ENTPD1: variants seen among roughly 807,000 people sequenced by gnomAD.
ENTPD1 encodes ectonucleoside triphosphate diphosphohydrolase 1, also known as ATP diphosphohydrolase.
Under a neutral mutation model 57.0 loss-of-function variants are expected in ENTPD1, and 33 were observed. The ratio of observed to expected loss-of-function variants is 0.58; its 90% confidence interval spans 0.44 to 0.77. The LOEUF is 0.77. ENTPD1 is among the 30% of genes least tolerant of loss of function. The pLI is 0.00. For missense variants in ENTPD1, 501 were observed against 603.4 expected, an observed-to-expected ratio of 0.83 and a Z score of 1.78; for synonymous variants, 202 against 218.8, an observed-to-expected ratio of 0.92 and a Z score of 0.68.
At chr10:95,740,336 G>C (rs2097999036) in intron 1 of ENTPD1, among the ~76,000 whole-genome samples, 1 of 152,178 alleles carries the variant, frequency 6.6e-6, no homozygotes, top group Non-Finnish European at 1.5e-5. Context: ...TGTTGGCCAG[G>C]CTGGGCTCGA....
At position 95,869,098 on chromosome 10, in the gene ENTPD1, C is replaced by T. The variant is rs1486164625; in HGVS notation, c.*2715C>T. 6.1e-6 allele frequency: 6 copies of T among 985,164 alleles called. No homozygotes were observed. Among genetic ancestry groups the T allele is most frequent in the Non-Finnish European group, 7.2e-6 (6 of 829,934 alleles). 61.0% of individuals were successfully genotyped at this position (985,164 alleles called of 1,614,324 possible). ...ATTGGTTATCACTGATTACCATTCT[C>T]CCCTGGATTTTCACCCAGGACTCAA... On this transcript the variant is annotated 3_prime_UTR_variant, in exon 10 of 10. Transcript: ENST00000371205.
chr10:95,756,484 C>T, intron 1 of ENTPD1: 3 of 569,134 alleles, frequency 5.3e-6, no homozygotes, highest in Non-Finnish European at 6.3e-6. Flanking sequence ...GCTGGAGGGG[C>T]TCATGAATAT....
At chr10:95,841,746 G>A (rs372128692) in intron 3 of ENTPD1, among the ~76,000 whole-genome samples, 2 of 152,278 alleles carry the variant, frequency 1.3e-5, no homozygotes, top group African/African-American at 4.8e-5. Context: ...AGCAACAGTC[G>A]GTTTTGCTCT....
At chr10:95,720,221 C>A (rs781524989) in intron 1 of ENTPD1, among the ~76,000 whole-genome samples, 1 of 152,078 alleles carries the variant, frequency 6.6e-6, no homozygotes, top group East Asian at 1.9e-4. Context: ...TTAACTTGAA[C>A]AGAACAGGCA....
chr10:95,708,276 T>TG (rs1346458985), upstream of ENTPD1, among the ~76,000 whole-genome samples: 1 of 152,038 alleles, frequency 6.6e-6, no homozygotes, highest in Non-Finnish European at 1.5e-5. Flanking sequence ...TGCAGTGCCG[T>TG]GACCTCGGCT....
chr10:95,705,277 A>ATGTGTGTGTGTGTGTGTGTGTGTG, the ENTPD1 span, among the ~76,000 whole-genome samples: 4 of 150,064 alleles, frequency 2.7e-5, no homozygotes, highest in African/African-American at 9.8e-5. Context: ...CCAGTAGAAA[A>ATGTGTGTGTGTGTGTGTGTGTGTG]TGTGTGTGTG....
Position 95,871,085 on chromosome 10 carries a change from T to C in ENTPD1, c.*4702T>C. On this transcript the variant is annotated 3_prime_UTR_variant, in exon 10 of 10. Coordinates refer to ENST00000371205, the MANE Select transcript of ENTPD1 (RefSeq NM_001776.6). Reference sequence around the variant, plus strand: ...TCAGGATGGGGTCTCCTGTCACTTCTGTCACAGGCTATTGTAAGTCATATG... The same window carrying C: ...TCAGGATGGGGTCTCCTGTCACTTCCGTCACAGGCTATTGTAAGTCATATG... 1.0e-6 allele frequency: 1 copy of C among 985,466 alleles called. No individual in the cohort carries two copies. Among genetic ancestry groups the C allele is most frequent in the Non-Finnish European group, 1.2e-6 (1 of 829,932 alleles). 61.0% of individuals were successfully genotyped at this position (985,466 alleles called of 1,614,324 possible). A position where few individuals can be genotyped will look rare whatever the true frequency, so the allele number is the denominator to read the frequency against.
chr10:95,861,071 T>G (rs1420783842), intron 8 of ENTPD1, among the ~76,000 whole-genome samples: 1 of 152,232 alleles, frequency 6.6e-6, no homozygotes, highest in Non-Finnish European at 1.5e-5. Context: ...GAAAACCAGG[T>G]GCAGAATTTT....
intron 1 of ENTPD1, among the ~76,000 whole-genome samples, chr10:95,812,605 A>G (rs2098312709): frequency 6.6e-6 from 1 of 152,228 alleles, no homozygotes; most frequent in Admixed American, 6.5e-5. Flanking sequence ...TAAATACCTC[A>G]GTGTGGGATT....
intron 3 of ENTPD1, among the ~76,000 whole-genome samples, chr10:95,840,317 C>T (rs1009815970): frequency 5.3e-5 from 8 of 152,166 alleles, no homozygotes; most frequent in African/African-American, 1.9e-4. Flanking sequence ...GGGTCCCATC[C>T]CCTAGAGTTT....
chr10:95,779,224 A>G (rs972383984), intron 1 of ENTPD1, among the ~76,000 whole-genome samples: 1 of 152,114 alleles, frequency 6.6e-6, no homozygotes, highest in Non-Finnish European at 1.5e-5. Flanking sequence ...ATCCTCTCCC[A>G]TTTCTACATC....
chr10:95,867,514 G>A lies in ENTPD1; in HGVS notation c.*1131G>A, dbSNP rs1442349284. 1.0e-6 allele frequency: 1 copy of A among 985,310 alleles called. No homozygotes were observed. 61.0% of individuals were successfully genotyped at this position (985,310 alleles called of 1,614,324 possible). Reference sequence around the variant, plus strand: ...TTAGTGAGAGGGCAGCATTAGTGTGGAGTGGCATGCTTTTGCCCTATCGTG... The same window carrying A: ...TTAGTGAGAGGGCAGCATTAGTGTGAAGTGGCATGCTTTTGCCCTATCGTG... On this transcript the variant is annotated 3_prime_UTR_variant, in exon 10 of 10. Transcript: ENST00000371205.
At chr10:95,724,536 A>G (rs958884736) in intron 1 of ENTPD1, among the ~76,000 whole-genome samples, 1 of 152,212 alleles carries the variant, frequency 6.6e-6, no homozygotes, top group African/African-American at 2.4e-5. Context: ...GCCGTGGGTC[A>G]TGGAAGAGAA....
chr10:95,806,077 G>A (rs1418794702), intron 1 of ENTPD1, among the ~76,000 whole-genome samples: 1 of 152,242 alleles, frequency 6.6e-6, no homozygotes, highest in Non-Finnish European at 1.5e-5. Flanking sequence ...ATAATATCCT[G>A]AAGAGTGTTT....
chr10:95,798,146 T>C (rs574548918), intron 1 of ENTPD1, among the ~76,000 whole-genome samples: 3 of 152,142 alleles, frequency 2.0e-5, no homozygotes, highest in Non-Finnish European at 4.4e-5. Flanking sequence ...AGAGTGCTTA[T>C]GTACTAAGAT....
rs1019869830 is a variant in ENTPD1, at chr10:95,869,302, T to G, written c.*2919T>G. Reference sequence around the variant, plus strand: ...TCTCACTCCATTGCCCAGGCTGGAGTGCAGTGGTGCTATCTCGGCTCACTG... The same window carrying G: ...TCTCACTCCATTGCCCAGGCTGGAGGGCAGTGGTGCTATCTCGGCTCACTG... On this transcript the variant is annotated 3_prime_UTR_variant, in exon 10 of 10. Coordinates refer to ENST00000371205, the MANE Select transcript of ENTPD1 (RefSeq NM_001776.6). 338 of 936,640 alleles carry G rather than the reference T, an allele frequency of 3.6e-4. No individual in the cohort carries two copies. Among genetic ancestry groups the G allele is most frequent in the Non-Finnish European group, 4.0e-4 (316 of 797,670 alleles). The allele number at this position is 936,640 out of a possible 1,614,324, so 58.0% of individuals were successfully genotyped here.
At chr10:95,864,599 G>A in intron 8 of ENTPD1, 125 bp from the exon 9 acceptor site, 3 of 1,343,640 alleles carry the variant, frequency 2.2e-6, no homozygotes, top group South Asian at 1.2e-5. Context: ...CTCTGGAAGA[G>A]GCCAACCTTC....
At chr10:95,780,492 A>G (rs1157612052) in intron 1 of ENTPD1, among the ~76,000 whole-genome samples, 1 of 152,234 alleles carries the variant, frequency 6.6e-6, no homozygotes, top group Non-Finnish European at 1.5e-5. Context: ...ATTTGCCACT[A>G]CACTAAATCT....
At chr10:95,720,492 T>C (rs1021328478) in intron 1 of ENTPD1, among the ~76,000 whole-genome samples, 7 of 152,118 alleles carry the variant, frequency 4.6e-5, no homozygotes, top group South Asian at 2.1e-4. Flanking sequence ...ACCCCTCGGA[T>C]AGTGACAGAT....
Sources: allele counts gnomAD v4.1 joint callset (sites outside exome capture counted in the v4.1 genomes callset), GRCh38; gene constraint gnomAD v4.1.1; transcripts MANE v1.5; gene names NCBI Gene and HGNC (gene_info 2026-07-23, HGNC 2026-07-21).